The following ZNF699 variants were observed in gnomAD, a reference collection of about 807,000 sequenced individuals.
ZNF699 encodes the protein hangover homolog.
A neutral mutation model predicts 22.5 loss-of-function variants in ZNF699; 18 were observed. The ratio of observed to expected loss-of-function variants is 0.80; its 90% confidence interval spans 0.55 to 1.19. ZNF699 has a LOEUF of 1.19. Ranked by LOEUF, ZNF699 falls within the 50% of genes most tolerant of loss-of-function variation. The pLI, the probability that ZNF699 is intolerant of heterozygous loss-of-function variation, is 0.00. For synonymous variants in ZNF699, 241 were observed against 262.3 expected (o/e 0.92, Z 0.78); for missense variants, 670 against 763.4 (o/e 0.88, Z 1.44).
At chr19:9,305,165 A>C (rs1316911138) in intron 1 of ZNF699, 41 bp from the exon 2 acceptor site, 1 of 1,583,778 alleles carries the variant, frequency 6.3e-7, no homozygotes, top group East Asian at 2.2e-5. Context: ...TTAGAATTAA[A>C]AAAGGTGACA....
chr19:9,298,916 C>T (rs1568345638), intron 3 of ZNF699, among the ~76,000 whole-genome samples: 3 of 152,152 alleles, frequency 2.0e-5, no homozygotes, highest in Admixed American at 1.3e-4. Context: ...ATAGCAAAGG[C>T]AATACAATGG....
Position 9,295,851 on chromosome 19 carries a change from A to C in ZNF699, c.1553T>G (p.Leu518Arg). The C allele has an allele frequency of 6.2e-7, 1 of 1,614,156 alleles. No homozygotes were observed. Among genetic ancestry groups the C allele is most frequent in the Non-Finnish European group, 8.5e-7 (1 of 1,180,020 alleles). Residue 518 changes from leucine to arginine, a missense_variant, in exon 6 of 6, where the codon CTT becomes CGT. By Grantham distance (102) the Leu-to-Arg change is moderately radical. Coordinates refer to ENST00000591998, the MANE Select transcript of ZNF699 (RefSeq NM_198535.3). Reference sequence around the variant, plus strand: ...AGTGTGAGTTCTGATATGTACTGTAAGGTGGGAGGAACTAATAAAGGCTTT... The same window carrying C: ...AGTGTGAGTTCTGATATGTACTGTACGGTGGGAGGAACTAATAAAGGCTTT... ...CGKAFISSSH[L>R]TVHIRTHTGE... is the part of the protein sequence containing the mutation.
At position 9,295,684 on chromosome 19, in the gene ZNF699, G is replaced by A. The variant is rs1349790192; in HGVS notation, c.1720C>T (p.Leu574Phe). 9.9e-6 allele frequency: 16 copies of A among 1,613,772 alleles called. No individual in the cohort carries two copies. In the Admixed American group the frequency reaches 1.2e-4, roughly 12 times the overall value. ...GTGTGCATTCTTGCATGTACAGTAA[G>A]GTATGAAGAATGACGAAATGCTTTC... The part of the protein sequence containing the change: ...CGKAFRHSSY[L>F]TVHARMHTGE... The change falls in exon 6 of 6, where the codon CTT becomes TTT. Residue 574 changes from leucine (L) to phenylalanine (F), a missense_variant. Leu to Phe is a conservative substitution (Grantham distance 22). Transcript: ENST00000591998.
Position 9,293,407 on chromosome 19 carries a change from A to T in ZNF699, c.*2068T>A, listed in dbSNP as rs1484616260. 6.6e-6 allele frequency among the ~76,000 whole-genome samples: 1 copy of T among 152,190 alleles called. No individual in the cohort carries two copies. Among genetic ancestry groups the T allele is most frequent in the East Asian group, 1.9e-4 (1 of 5,200 alleles). ...CCTACCAAAACTAAATTTAAAGTCT[A>T]CCCTATGATTCAGTAAATTCATTCC... On this transcript the variant is annotated 3_prime_UTR_variant, in exon 6 of 6. Transcript: ENST00000591998.
At chr19:9,308,207 T>C (rs2066334538) in intron 1 of ZNF699, among the ~76,000 whole-genome samples, 1 of 152,138 alleles carries the variant, frequency 6.6e-6, no homozygotes. Flanking sequence ...TCTCATTTCC[T>C]AGGCTCAAGC....
chr19:9,297,058 T>C lies in ZNF699; in HGVS notation c.471-125A>G, dbSNP rs2066289752. ...TCACAGAGGGCTCTACGACAGCCAA[T>C]ACTGTCACTGAGTTATTGACTCACG... On this transcript the variant is annotated intron_variant, in intron 5 of 5. Transcript: ENST00000591998. The surrounding 1 kb of genome is among the most constrained non-coding windows in gnomAD (Gnocchi z 4.3). The C allele has an allele frequency of 1.1e-6, 1 of 875,204 alleles. No individual in the cohort carries two copies. Among genetic ancestry groups the C allele is most frequent in the East Asian group, 2.7e-5 (1 of 37,248 alleles). The allele number at this position is 875,204 out of a possible 1,614,324, so 54.2% of individuals were successfully genotyped here. A position where few individuals can be genotyped will look rare whatever the true frequency, so the allele number is the denominator to read the frequency against.
intron 3 of ZNF699, among the ~76,000 whole-genome samples, chr19:9,298,405 C>A (rs966365174): frequency 1.1e-4 from 16 of 148,980 alleles, no homozygotes; most frequent in African/African-American, 3.9e-4. Flanking sequence ...GAGATCGTGC[C>A]ACTGCACTCC....
At chr19:9,301,136 AAAG>A (rs556197859) in intron 3 of ZNF699, among the ~76,000 whole-genome samples, 2,089 of 146,476 alleles carry the variant, frequency 0.014, 25 homozygotes, top group African/African-American at 0.03. Context: ...TACAAAAAAA[AAAG>A]AGAGAGAGAG....
rs1416029530 is a variant in ZNF699 at position 9,294,752 on chromosome 19, T to C, written c.*723A>G. The stretch of plus-strand genomic sequence containing the variant: ...CAAAGAATAAAATATAAAAATAGTA[T>C]ATTAAATTAATTTCTGCTGAAATTA... On this transcript the variant is annotated 3_prime_UTR_variant, in exon 6 of 6. Coordinates refer to ENST00000591998, the MANE Select transcript of ZNF699 (RefSeq NM_198535.3). 6.6e-6 allele frequency: 1 copy of C among 152,134 alleles called. No homozygotes were observed. Among genetic ancestry groups the C allele is most frequent in the African/African-American group, 2.4e-5 (1 of 41,444 alleles). 9.4% of individuals were successfully genotyped at this position (152,134 alleles called of 1,614,324 possible).
intron 1 of ZNF699, among the ~76,000 whole-genome samples, chr19:9,308,255 A>T (rs979272410): frequency 6.6e-6 from 1 of 152,142 alleles, no homozygotes; most frequent in African/African-American, 2.4e-5. Context: ...CTGGGACTAC[A>T]GATATGCGCC....
chr19:9,308,387 T>A (rs1447965859), intron 1 of ZNF699, among the ~76,000 whole-genome samples: 2 of 151,538 alleles, frequency 1.3e-5, no homozygotes, highest in African/African-American at 4.9e-5. Context: ...ATAGAAAAAA[T>A]TTAAGGAATA....
Position 9,292,520 on chromosome 19 carries a change from CAG to C in ZNF699, c.*2953_*2954del, listed in dbSNP as rs2144971404. Among the ~76,000 whole-genome samples, 2 of 152,274 alleles carry C rather than the reference CAG, an allele frequency of 1.3e-5. No individual in the cohort carries two copies. Among genetic ancestry groups the C allele is most frequent in the African/African-American group, 4.8e-5 (2 of 41,552 alleles). On this transcript the variant is annotated 3_prime_UTR_variant, in exon 6 of 6. Coordinates refer to ENST00000591998, the MANE Select transcript of ZNF699 (RefSeq NM_198535.3). ...AATGCAGGAGGATGCACAGCCAAGA[CAG>C]GGAGACAGAATTCAACTAGATAACA...
chr19:9,296,599 G>A lies in ZNF699; in HGVS notation c.805C>T (p.His269Tyr). 1.2e-6 allele frequency: 2 copies of A among 1,614,124 alleles called. No homozygotes were observed. Among genetic ancestry groups the A allele is most frequent in the Non-Finnish European group, 8.5e-7 (1 of 1,180,024 alleles). ...AFSCSSFFRA[H>Y]MKIHIGKTNY... ...GTCTTTCCGATGTGAATCTTCATAT[G>A]TGCCCTAAAGAATGAGGAACAGCTG... The change falls in exon 6 of 6, where the codon CAT (histidine) becomes TAT (tyrosine). Residue 269 changes from histidine to tyrosine, a missense_variant. His to Tyr is a moderately conservative substitution (Grantham distance 83, BLOSUM62 2). Coordinates refer to ENST00000591998, the MANE Select transcript of ZNF699 (RefSeq NM_198535.3).
At chr19:9,301,737 C>G (rs1599252842) in intron 3 of ZNF699, among the ~76,000 whole-genome samples, 1 of 152,080 alleles carries the variant, frequency 6.6e-6, no homozygotes, top group African/African-American at 2.4e-5. Flanking sequence ...GGGTAAAGGA[C>G]ACAGATAGCA....
At position 9,297,015 on chromosome 19, in the gene ZNF699, A is replaced by C; in HGVS notation, c.471-82T>G. On this transcript the variant is annotated intron_variant, in intron 5 of 5. Transcript: ENST00000591998. The surrounding 1 kb of genome is among the most constrained non-coding windows in gnomAD (Gnocchi z 4.3). ...GTATATGTTTTCTGCCCTTCTGTCA[A>C]GTTTAAGCTGAAAGTTTTCACAGAG... 8.0e-7 allele frequency: 1 copy of C among 1,252,118 alleles called. No homozygotes were observed. The highest frequency in any genetic ancestry group is 1.1e-6 in the Non-Finnish European group (1 of 929,294). The allele number at this position is 1,252,118 out of a possible 1,614,324, so 77.6% of individuals were successfully genotyped here.
intron 3 of ZNF699, among the ~76,000 whole-genome samples, chr19:9,301,735 GAC>G (rs1190421090): frequency 3.9e-5 from 6 of 152,036 alleles, no homozygotes; most frequent in Non-Finnish European, 7.4e-5. Context: ...TTGGGTAAAG[GAC>G]ACAGATAGCA....
rs1037486167 is a variant in ZNF699, at chr19:9,292,800, G to A, written c.*2675C>T. On this transcript the variant is annotated 3_prime_UTR_variant, in exon 6 of 6. Transcript: ENST00000591998. ...TATACATACATACAATAAAGGACAAGTAACCAGAAGGAAACCTTTCAATTT... is the reference window on the plus strand; with the variant it reads ...TATACATACATACAATAAAGGACAAATAACCAGAAGGAAACCTTTCAATTT... Among the ~76,000 whole-genome samples the A allele has an allele frequency of 6.6e-6, 1 of 150,444 alleles. No homozygotes were observed. The highest frequency in any genetic ancestry group is 1.5e-5 in the Non-Finnish European group (1 of 67,768).
chr19:9,293,339 TG>T lies in ZNF699; in HGVS notation c.*2135del. Among the ~76,000 whole-genome samples the T allele has an allele frequency of 6.6e-6, 1 of 152,306 alleles. No homozygotes were observed. Among genetic ancestry groups the T allele is most frequent in the African/African-American group, 2.4e-5 (1 of 41,562 alleles). On this transcript the variant is annotated 3_prime_UTR_variant, in exon 6 of 6. Coordinates refer to ENST00000591998, the MANE Select transcript of ZNF699 (RefSeq NM_198535.3). ...CAACTGGAACTTTCATGCATTGTTTTGGGGATTATTCGTGGAATCGATATTT... is the reference window on the plus strand; with the variant it reads ...CAACTGGAACTTTCATGCATTGTTTTGGGATTATTCGTGGAATCGATATTT...
At chr19:9,298,445 C>CAAA (rs758610688) in intron 3 of ZNF699, among the ~76,000 whole-genome samples, 1 of 101,592 alleles carries the variant, frequency 9.8e-6, no homozygotes. Context: ...GACTCTATCT[C>CAAA]AAAAAAAAAA....
Sources: gnomAD v4.1 joint callset for allele counts (sites outside exome capture counted in the v4.1 genomes callset) on GRCh38, gnomAD v4.1.1 for gene constraint, Gnocchi (gnomAD v3.1) non-coding constraint, MANE v1.5 for transcripts, NCBI Gene and HGNC (gene_info 2026-07-23, HGNC 2026-07-21) for gene names.